ZNF385D: variants seen among roughly 807,000 people sequenced by gnomAD.
ZNF385D encodes zinc finger protein 659.
Under a neutral mutation model 35.8 loss-of-function variants are expected in ZNF385D, and 15 were observed. The ratio of observed to expected loss-of-function variants is 0.42; its 90% confidence interval spans 0.28 to 0.64. The LOEUF (loss-of-function observed/expected upper bound fraction) is 0.64. Among genes scored for constraint, ZNF385D ranks in the 30% least tolerant of loss-of-function variants. The pLI is 0.23. For synonymous variants in ZNF385D, 212 were observed against 186.8 expected, an observed-to-expected ratio of 1.13 and a Z score of -1.10; for missense variants, 474 against 494.6, an observed-to-expected ratio of 0.96 and a Z score of 0.39.
intron 3 of ZNF385D, among the ~76,000 whole-genome samples, chr3:21,861,706 G>C (rs916099454): frequency 6.6e-6 from 1 of 152,226 alleles, no homozygotes. Flanking sequence ...TGTCTCCCCA[G>C]GAGCAATTCT....
chr3:21,852,931 C>T (rs2673516), intron 3 of ZNF385D, among the ~76,000 whole-genome samples: 128,275 of 151,812 alleles, frequency 0.84, 54,398 homozygotes, highest in Middle Eastern at 0.93. Context: ...ATATGTTAAA[C>T]ATCCAAGTCT....
intron 2 of ZNF385D, among the ~76,000 whole-genome samples, chr3:22,212,624 T>C (rs1697597567): frequency 1.3e-5 from 2 of 151,832 alleles, no homozygotes; most frequent in Admixed American, 6.6e-5. Flanking sequence ...TTTAAATAAG[T>C]CAAAAAGGCC....
At chr3:22,041,894 A>G (rs1236933866) in intron 3 of ZNF385D, among the ~76,000 whole-genome samples, 5 of 152,178 alleles carry the variant, frequency 3.3e-5, no homozygotes, top group Admixed American at 2.6e-4. Context: ...GTGTTCTAAT[A>G]TTGAAGAAAG....
intron 3 of ZNF385D, among the ~76,000 whole-genome samples, chr3:21,848,322 C>T (rs1696148233): frequency 6.6e-6 from 1 of 151,884 alleles, no homozygotes; most frequent in South Asian, 2.1e-4. Context: ...GTGGTCATAT[C>T]TCTTTGAGAT....
chr3:22,325,767 AAAAAC>A (rs1287676376), intron 2 of ZNF385D, among the ~76,000 whole-genome samples: 1 of 152,160 alleles, frequency 6.6e-6, no homozygotes, highest in Non-Finnish European at 1.5e-5. Context: ...CAAAAAAACA[AAAAAC>A]AAAAAAACAG....
At chr3:22,029,598 A>T (rs937029099) in intron 3 of ZNF385D, among the ~76,000 whole-genome samples, 4 of 152,218 alleles carry the variant, frequency 2.6e-5, no homozygotes, top group Admixed American at 2.0e-4. Flanking sequence ...TTTTGTTAAA[A>T]ACATGTTTGT....
intron 3 of ZNF385D, among the ~76,000 whole-genome samples, chr3:21,932,766 A>T (rs944222639): frequency 2.0e-5 from 3 of 152,080 alleles, no homozygotes; most frequent in African/African-American, 7.2e-5. Context: ...TTCTGATCAT[A>T]TTTGTCCCAG....
At chr3:21,517,614 C>T (rs760685196) in intron 3 of ZNF385D, among the ~76,000 whole-genome samples, 12 of 152,258 alleles carry the variant, frequency 7.9e-5, no homozygotes, top group Non-Finnish European at 1.6e-4. Context: ...GTGAAACCTC[C>T]CCACCTCCAA....
At chr3:22,165,765 A>T (rs1417399113) in intron 3 of ZNF385D, among the ~76,000 whole-genome samples, 4 of 152,262 alleles carry the variant, frequency 2.6e-5, no homozygotes, top group South Asian at 4.2e-4. Context: ...TTGAAATTTG[A>T]ACCACACTGA....
chr3:22,210,010 T>C (rs1209844317), intron 2 of ZNF385D, among the ~76,000 whole-genome samples: 1 of 151,800 alleles, frequency 6.6e-6, no homozygotes, highest in Non-Finnish European at 1.5e-5. Context: ...ATTAATAGTA[T>C]TATATTCAAT....
intron 3 of ZNF385D, among the ~76,000 whole-genome samples, chr3:22,075,293 C>T (rs574887891): frequency 1.3e-5 from 2 of 151,980 alleles, no homozygotes; most frequent in East Asian, 3.9e-4. Context: ...ATTTTCCTTT[C>T]CAGTTTCCCT....
Position 21,413,125 on chromosome 3 carries a change from A to G in ZNF385D, c.*8089T>C, listed in dbSNP as rs764793466. ...AACAAATATAACAATAACATATAGA[A>G]TCATCATTCAACTATCATAATATAA... On this transcript the variant is annotated 3_prime_UTR_variant, in exon 8 of 8. Coordinates refer to ENST00000281523, the MANE Select transcript of ZNF385D (RefSeq NM_024697.3). The G allele has an allele frequency of 2.0e-5, 3 of 152,092 alleles. No individual in the cohort carries two copies. The highest frequency in any genetic ancestry group is 2.9e-5 in the Non-Finnish European group (2 of 67,994). The allele number at this position is 152,092 out of a possible 1,614,324, so 9.4% of individuals were successfully genotyped here.
chr3:22,135,781 G>A (rs1232530555), intron 3 of ZNF385D, among the ~76,000 whole-genome samples: 1 of 152,122 alleles, frequency 6.6e-6, no homozygotes, highest in Non-Finnish European at 1.5e-5. Flanking sequence ...AAAAAGTATA[G>A]ACACAGACCA....
chr3:21,753,459 T>G (rs2070195178), upstream of ZNF385D, among the ~76,000 whole-genome samples: 1 of 152,226 alleles, frequency 6.6e-6, no homozygotes, highest in Non-Finnish European at 1.5e-5. Flanking sequence ...AATCTTTGCC[T>G]GGTAGTATAC....
chr3:22,166,783 G>A (rs1238843923), intron 3 of ZNF385D, among the ~76,000 whole-genome samples: 2 of 152,120 alleles, frequency 1.3e-5, no homozygotes, highest in Non-Finnish European at 2.9e-5. Context: ...TGTATCTTTT[G>A]TTCTAGTTTT....
chr3:22,215,837 G>A (rs1224817203), intron 2 of ZNF385D, among the ~76,000 whole-genome samples: 3 of 151,902 alleles, frequency 2.0e-5, no homozygotes, highest in African/African-American at 7.3e-5. Flanking sequence ...CTGCCGACAT[G>A]TGATGTCTCC....
intron 2 of ZNF385D, among the ~76,000 whole-genome samples, chr3:21,620,503 A>G (rs1326146033): frequency 2.0e-5 from 3 of 152,186 alleles, no homozygotes; most frequent in Non-Finnish European, 4.4e-5. Context: ...GCCAATGATT[A>G]GTATCCTTCA....
intron 3 of ZNF385D, among the ~76,000 whole-genome samples, chr3:21,896,163 C>A (rs980218541): frequency 1.3e-5 from 2 of 151,932 alleles, no homozygotes; most frequent in Non-Finnish European, 2.9e-5. Flanking sequence ...TTTCCACTGG[C>A]AAGAATGTTA....
chr3:21,658,789 G>C (rs1298790538), intron 2 of ZNF385D, among the ~76,000 whole-genome samples: 1 of 151,842 alleles, frequency 6.6e-6, no homozygotes, highest in Non-Finnish European at 1.5e-5. Flanking sequence ...TTTGAACTCA[G>C]GTAGCATTTA....
Sources: gnomAD v4.1 joint callset for allele counts (sites outside exome capture counted in the v4.1 genomes callset) on GRCh38, gnomAD v4.1.1 for gene constraint, MANE v1.5 for transcripts, NCBI Gene and HGNC (gene_info 2026-07-23, HGNC 2026-07-21) for gene names.